The following HPSE2 variants were observed in gnomAD, a reference collection of about 807,000 sequenced individuals.
HPSE2 encodes the protein inactive heparanase-2.
HPSE2 carries 38 observed loss-of-function variants against 60.5 expected under a neutral mutation model. That is an observed-to-expected ratio of 0.63 (90% CI 0.48 to 0.82). The LOEUF (loss-of-function observed/expected upper bound fraction) is 0.82, where lower values mean the gene tolerates loss of function less well. Among genes scored for constraint, HPSE2 ranks in the 40% least tolerant of loss-of-function variants. HPSE2 has a pLI of 0.00. For missense variants in HPSE2, 713 were observed against 740.4 expected (o/e 0.96, Z 0.43); for synonymous variants, 295 against 293.2 (o/e 1.01, Z -0.06).
At chr10:99,048,397 C>A in intron 3 of HPSE2, 2 of 273,852 alleles carry the variant, frequency 7.3e-6, no homozygotes, top group South Asian at 4.1e-5. Context: ...CAAAAACAAT[C>A]CCATTCAAAA....
At chr10:98,841,812 T>TC (rs1206651829) in intron 3 of HPSE2, among the ~76,000 whole-genome samples, 1 of 151,980 alleles carries the variant, frequency 6.6e-6, no homozygotes, top group Non-Finnish European at 1.5e-5. Context: ...CTTGTAATTT[T>TC]TTTTTTTTTT....
chr10:99,168,105 C>CACACACAA (rs1847159921), intron 2 of HPSE2, among the ~76,000 whole-genome samples: 1 of 151,006 alleles, frequency 6.6e-6, no homozygotes, highest in Admixed American at 6.6e-5. Flanking sequence ...CACACACACA[C>CACACACAA]ACACACACAC....
chr10:98,612,360 A>G (rs983400045), intron 9 of HPSE2, among the ~76,000 whole-genome samples: 3 of 152,236 alleles, frequency 2.0e-5, no homozygotes, highest in African/African-American at 7.2e-5. Context: ...CAATAATGTC[A>G]CAGAACCTTA....
At chr10:99,219,747 T>C (rs1186392776) in intron 2 of HPSE2, among the ~76,000 whole-genome samples, 1 of 152,228 alleles carries the variant, frequency 6.6e-6, no homozygotes, top group Non-Finnish European at 1.5e-5. Context: ...GAGGAGTTTT[T>C]ACAATCTTTA....
chr10:98,616,288 G>C (rs1164329880), intron 8 of HPSE2, among the ~76,000 whole-genome samples: 2 of 152,112 alleles, frequency 1.3e-5, no homozygotes, highest in African/African-American at 4.8e-5. Context: ...TGTCAGTTCT[G>C]AGTTCATCAA....
At chr10:98,585,597 T>A (rs1944917175) in intron 9 of HPSE2, among the ~76,000 whole-genome samples, 1 of 151,400 alleles carries the variant, frequency 6.6e-6, no homozygotes, top group African/African-American at 2.4e-5. Context: ...AAAGGAACAG[T>A]CACCTAATGT....
chr10:98,912,736 T>A (rs962108836), intron 3 of HPSE2, among the ~76,000 whole-genome samples: 3 of 151,934 alleles, frequency 2.0e-5, no homozygotes, highest in African/African-American at 7.3e-5. Flanking sequence ...GTTAAAACAA[T>A]TGAACTCTCA....
intron 3 of HPSE2, among the ~76,000 whole-genome samples, chr10:98,788,925 G>A (rs1950595713): frequency 6.6e-6 from 1 of 152,140 alleles, no homozygotes; most frequent in Admixed American, 6.5e-5. Flanking sequence ...CACGCTGGGA[G>A]CTGTAGACCG....
At chr10:99,233,187 T>G (rs1849723293) in intron 1 of HPSE2, among the ~76,000 whole-genome samples, 1 of 101,154 alleles carries the variant, frequency 9.9e-6, no homozygotes, top group Non-Finnish European at 2.0e-5. Flanking sequence ...CCAAGAACAC[T>G]TCTCCACTCC....
intron 3 of HPSE2, among the ~76,000 whole-genome samples, chr10:98,855,148 G>A (rs1325005764): frequency 6.6e-6 from 1 of 152,218 alleles, no homozygotes; most frequent in Non-Finnish European, 1.5e-5. Flanking sequence ...GTGATGCCAA[G>A]CACCATACAA....
intron 3 of HPSE2, among the ~76,000 whole-genome samples, chr10:99,081,123 A>C (rs1843120537): frequency 6.6e-6 from 1 of 152,196 alleles, no homozygotes; most frequent in Non-Finnish European, 1.5e-5. Context: ...GAGTAAACCA[A>C]AAGTAGAGAA....
chr10:98,482,503 C>A, intron 11 of HPSE2, 133 bp downstream of exon 11: 1 of 1,097,114 alleles, frequency 9.1e-7, no homozygotes, highest in Non-Finnish European at 1.4e-6. Flanking sequence ...TCACCTGACC[C>A]CAGACCGCTC....
intron 3 of HPSE2, among the ~76,000 whole-genome samples, chr10:98,987,398 C>T (rs906150456): frequency 1.3e-5 from 2 of 152,172 alleles, no homozygotes; most frequent in African/African-American, 2.4e-5. Flanking sequence ...ACAAAAACCA[C>T]ATGATTATCT....
At chr10:99,096,120 G>A (rs1318141773) in intron 3 of HPSE2, among the ~76,000 whole-genome samples, 1 of 152,054 alleles carries the variant, frequency 6.6e-6, no homozygotes, top group African/African-American at 2.4e-5. Flanking sequence ...TTTTCAAAAC[G>A]AAATTGAGAT....
At chr10:99,171,371 A>G (rs1847300644) in intron 2 of HPSE2, among the ~76,000 whole-genome samples, 2 of 152,266 alleles carry the variant, frequency 1.3e-5, no homozygotes, top group Middle Eastern at 3.4e-3. Flanking sequence ...AAAAGAAACT[A>G]CTACAGTCTG....
At chr10:98,672,831 G>A (rs1482085592) in intron 6 of HPSE2, among the ~76,000 whole-genome samples, 1 of 152,000 alleles carries the variant, frequency 6.6e-6, no homozygotes, top group Non-Finnish European at 1.5e-5. Context: ...AAAGGTGAGT[G>A]TCTCTTGCTT....
chr10:98,486,654 A>C (rs1336865974), intron 10 of HPSE2, among the ~76,000 whole-genome samples: 1 of 152,168 alleles, frequency 6.6e-6, no homozygotes, highest in Non-Finnish European at 1.5e-5. Context: ...ATGTTCTAGA[A>C]ATGTCTCCAG....
intron 3 of HPSE2, among the ~76,000 whole-genome samples, chr10:99,018,808 AT>A (rs1957199265): frequency 6.6e-6 from 1 of 152,154 alleles, no homozygotes; most frequent in African/African-American, 2.4e-5. Context: ...CAAAGAGGTG[AT>A]TTTTCAAAAT....
rs745379004 is a variant in HPSE2, at chr10:98,721,743, C to T, written c.870G>A (p.Leu290=). Residue 290 remains leucine, a synonymous_variant, in exon 5 of 12, where the codon TTG becomes TTA. Coordinates refer to ENST00000370552, the MANE Select transcript of HPSE2 (RefSeq NM_021828.5). ...GKDYIQLKSL[L]QPIRIYSRAS... ...CTCTGGAATAAATCCGGATGGGCTG[C>T]AACAGGCTCTTCAGCTGGATGTAAT... 15 of 1,613,530 alleles carry T rather than the reference C, an allele frequency of 9.3e-6. No individual in the cohort carries two copies. The African/African-American group carries it at 1.7e-4, about 19-fold the overall frequency.
Sources: gnomAD v4.1 joint callset for allele counts (sites outside exome capture counted in the v4.1 genomes callset) on GRCh38, gnomAD v4.1.1 for gene constraint, MANE v1.5 for transcripts, NCBI Gene and HGNC (gene_info 2026-07-23, HGNC 2026-07-21) for gene names.